Variants in CACNA1C observed in about 807,000 individuals in gnomAD.
CACNA1C encodes the protein voltage-dependent L-type calcium channel subunit alpha-1C.
Under a neutral mutation model 229.0 loss-of-function variants are expected in CACNA1C, and 30 were observed. The observed-to-expected ratio is 0.13, with a 90% CI of 0.10 to 0.18. CACNA1C has a LOEUF of 0.18. Ranked by LOEUF, CACNA1C falls within the 10% of genes least tolerant of loss-of-function variation. The pLI, the probability that CACNA1C is intolerant of heterozygous loss-of-function variation, is 1.00. For synonymous variants in CACNA1C, 1,114 were observed against 1,132.5 expected (o/e 0.98, Z 0.33); for missense variants, 1,658 against 2,845.0 (o/e 0.58, Z 9.49).
At chr12:2,139,691 C>T (rs1342716049) in intron 3 of CACNA1C, among the ~76,000 whole-genome samples, 1 of 151,244 alleles carries the variant, frequency 6.6e-6, no homozygotes, top group Non-Finnish European at 1.5e-5. Context: ...GAGGAGATCT[C>T]TTGCGCCCCT....
chr12:2,349,642 C>A (rs951058380), intron 3 of CACNA1C, among the ~76,000 whole-genome samples: 1 of 152,034 alleles, frequency 6.6e-6, no homozygotes, highest in African/African-American at 2.4e-5. Context: ...GAAGGTACTG[C>A]AGAGGGTAGG....
intron 3 of CACNA1C, among the ~76,000 whole-genome samples, chr12:2,427,635 T>C (rs1366637393): frequency 6.6e-6 from 1 of 152,154 alleles, no homozygotes; most frequent in Non-Finnish European, 1.5e-5. Context: ...TTTTTTTATT[T>C]TTTGAGATGG....
chr12:2,022,320 T>A (rs545950155), intron 1 of CACNA1C, among the ~76,000 whole-genome samples: 1 of 152,336 alleles, frequency 6.6e-6, no homozygotes, highest in South Asian at 2.1e-4. Flanking sequence ...AATTATCTCA[T>A]TTCTGTAATC....
At chr12:2,681,352 G>A (rs1010175527) in intron 42 of CACNA1C, among the ~76,000 whole-genome samples, 9 of 152,134 alleles carry the variant, frequency 5.9e-5, no homozygotes, top group African/African-American at 1.9e-4. Flanking sequence ...ATGAAATGTC[G>A]GTTCCCTCTG....
At position 2,602,851 on chromosome 12, in the gene CACNA1C, T is replaced by C. The variant is rs1601746627; in HGVS notation, c.2960+891T>C. Among the ~76,000 whole-genome samples, 1 of 152,160 alleles carries C rather than the reference T, an allele frequency of 6.6e-6. No homozygotes were observed. Among genetic ancestry groups the C allele is most frequent in the East Asian group, 1.9e-4 (1 of 5,206 alleles). On this transcript the variant is annotated intron_variant, in intron 22 of 46. Transcript: ENST00000399655. This position sits in a 1 kb window ranked among gnomAD's most constrained non-coding sequence, Gnocchi z 4.4. ...CCTACACTTTAACTTTCAAAGCACT[T>C]CCACATACACATTCTTCTGTGGTCC...
intron 3 of CACNA1C, among the ~76,000 whole-genome samples, chr12:2,344,409 G>GAGGT (rs1378466001): frequency 2.4e-4 from 37 of 152,270 alleles, no homozygotes; most frequent in Non-Finnish European, 4.6e-4. Flanking sequence ...GCACCCTGGA[G>GAGGT]AGGTAGGAAC....
In CACNA1C at chr12:2,651,591, C is replaced by A; in HGVS notation, c.3946-49C>A. On this transcript the variant is annotated intron_variant, in intron 31 of 46. Coordinates refer to ENST00000399655, the MANE Select transcript of CACNA1C (RefSeq NM_000719.7). This position sits in a 1 kb window ranked among gnomAD's most constrained non-coding sequence, Gnocchi z 5.4. ...TCTCGGAGGGGCCCTCCTGTTCTCA[C>A]CCCCCTCTTGCTGTGCTAACTGCAC... 6.2e-7 allele frequency: 1 copy of A among 1,613,344 alleles called. No homozygotes were observed. Among genetic ancestry groups the A allele is most frequent in the Non-Finnish European group, 8.5e-7 (1 of 1,179,446 alleles).
intron 3 of CACNA1C, among the ~76,000 whole-genome samples, chr12:2,359,944 A>T (rs2097508552): frequency 6.6e-6 from 1 of 152,124 alleles, no homozygotes; most frequent in African/African-American, 2.4e-5. Context: ...CGAGAGCAGC[A>T]CTGGGACGGT....
In CACNA1C at chr12:2,533,549, T is replaced by A. The variant is rs7955858; in HGVS notation, c.1391-16394T>A. Among the ~76,000 whole-genome samples the A allele has an allele frequency of 3.2e-3, 491 of 152,284 alleles. 4 individuals are homozygous for A. Among genetic ancestry groups the A allele is most frequent in the African/African-American group, 0.011 (469 of 41,552 alleles). On this transcript the variant is annotated intron_variant, in intron 9 of 46. Transcript: ENST00000399655. ...CTCCAGTGGAAGTCCCCAGCCATGTTCCCTCCCTGGGGCATTCCCATCTGC... is the reference window on the plus strand; with the variant it reads ...CTCCAGTGGAAGTCCCCAGCCATGTACCCTCCCTGGGGCATTCCCATCTGC...
chr12:2,331,129 A>T (rs745770031), intron 3 of CACNA1C, among the ~76,000 whole-genome samples: 2 of 152,342 alleles, frequency 1.3e-5, no homozygotes, highest in Middle Eastern at 3.4e-3. Context: ...GAGCCGTATG[A>T]TACCCTAATA....
rs758028585 is a variant in CACNA1C at position 2,457,555 on chromosome 12, C to A, written c.618-12C>A. ...CAGTCCTGACAGTCCTTCTCTCTTTCCTCTCTTCTAGGCTTTTTAGTGCAA... is the reference window on the plus strand; with the variant it reads ...CAGTCCTGACAGTCCTTCTCTCTTTACTCTCTTCTAGGCTTTTTAGTGCAA... On this transcript the variant is annotated splice_polypyrimidine_tract_variant and intron_variant, in intron 4 of 46. Coordinates refer to ENST00000399655, the MANE Select transcript of CACNA1C (RefSeq NM_000719.7). 4.7e-5 allele frequency: 76 copies of A among 1,606,928 alleles called. No individual in the cohort carries two copies. Among genetic ancestry groups the A allele is most frequent in the Non-Finnish European group, 6.3e-5 (74 of 1,176,380 alleles).
intron 1 of CACNA1C, among the ~76,000 whole-genome samples, chr12:2,073,095 G>A (rs1190006769): frequency 6.6e-6 from 1 of 152,200 alleles, no homozygotes; most frequent in Non-Finnish European, 1.5e-5. Context: ...ACACTCGTTT[G>A]AGAAGTGAGT....
In CACNA1C at chr12:2,597,323, C is replaced by T. The variant is rs867620696; in HGVS notation, c.2853+34C>T. On this transcript the variant is annotated intron_variant, in intron 21 of 46. Coordinates refer to ENST00000399655, the MANE Select transcript of CACNA1C (RefSeq NM_000719.7). The surrounding 1 kb of genome is among the most constrained non-coding windows in gnomAD (Gnocchi z 4.3). ...CCCATCCCCTTCTGCTCCTCCTGTC[C>T]CCCTTGTGCCAGCACCAGGTCTCTG... 6.4e-7 allele frequency: 1 copy of T among 1,554,420 alleles called. No individual in the cohort carries two copies. Among genetic ancestry groups the T allele is most frequent in the Non-Finnish European group, 8.9e-7 (1 of 1,125,890 alleles).
chr12:1,971,131 C>G lies in CACNA1C; in HGVS notation c.69C>G (p.Asn23Lys). Reference sequence around the variant, plus strand: ...CGCTTCCCAGCCACCTGTCTGCCAACACGGAGGTCAAGTTTAAGGGTACTT... The same window carrying G: ...CGCTTCCCAGCCACCTGTCTGCCAAGACGGAGGTCAAGTTTAAGGGTACTT... The change falls in exon 1 of 47, where the codon AAC (asparagine) becomes AAG (lysine). Residue 23 changes from asparagine to lysine, a missense_variant. By Grantham distance (94) the Asn-to-Lys change is moderately conservative. Transcript: ENST00000682462. The surrounding 1 kb of genome is among the most constrained non-coding windows in gnomAD (Gnocchi z 4.2). 7.8e-7 allele frequency: 1 copy of G among 1,289,262 alleles called. No homozygotes were observed. The allele number at this position is 1,289,262 out of a possible 1,614,324, so 79.9% of individuals were successfully genotyped here.
chr12:2,064,490 G>A (rs893465066), intron 1 of CACNA1C, among the ~76,000 whole-genome samples: 17 of 152,214 alleles, frequency 1.1e-4, no homozygotes, highest in Admixed American at 1.1e-3. Flanking sequence ...AGGCATGACT[G>A]ATTAATAAGG....
At chr12:2,399,812 A>C (rs1389956277) in intron 3 of CACNA1C, among the ~76,000 whole-genome samples, 2 of 152,176 alleles carry the variant, frequency 1.3e-5, no homozygotes, top group African/African-American at 4.8e-5. Flanking sequence ...TATCATCCCC[A>C]TGGGTTTACT....
At chr12:2,230,328 G>A (rs757934830) in intron 3 of CACNA1C, among the ~76,000 whole-genome samples, 3 of 152,190 alleles carry the variant, frequency 2.0e-5, no homozygotes, top group Non-Finnish European at 4.4e-5. Flanking sequence ...AGGGCAAGCG[G>A]GGCCTCTCGC....
chr12:2,464,451 A>G (rs2099536363), intron 5 of CACNA1C, among the ~76,000 whole-genome samples: 1 of 152,220 alleles, frequency 6.6e-6, no homozygotes, highest in Admixed American at 6.5e-5. Context: ...TGAAACTGAC[A>G]TATTTTGGAG....
chr12:2,675,387 T>C (rs117450095), intron 39 of CACNA1C, among the ~76,000 whole-genome samples: 1 of 152,180 alleles, frequency 6.6e-6, no homozygotes, highest in African/African-American at 2.4e-5. Flanking sequence ...TACTGAATAC[T>C]GTCAACACTT....
Sources: gnomAD v4.1 joint callset for allele counts (sites outside exome capture counted in the v4.1 genomes callset) on GRCh38, gnomAD v4.1.1 for gene constraint, Gnocchi (gnomAD v3.1) non-coding constraint, MANE v1.5 for transcripts, NCBI Gene and HGNC (gene_info 2026-07-23, HGNC 2026-07-21) for gene names.